MGAT5: variants seen among roughly 807,000 people sequenced by gnomAD.
The protein encoded by MGAT5 is alpha-1,6-mannosylglycoprotein 6-beta-N-acetylglucosaminyltransferase, also known as alpha-1,6-mannosylglycoprotein 6-beta-N-acetylglucosaminyltransferase A.
A neutral mutation model predicts 94.3 loss-of-function variants in MGAT5; 30 were observed. The ratio of observed to expected loss-of-function variants is 0.32; its 90% confidence interval spans 0.24 to 0.43. The LOEUF is 0.43. MGAT5 is among the 20% of genes least tolerant of loss of function. MGAT5 has a pLI of 1.00. For synonymous variants in MGAT5, 310 were observed against 322.9 expected (o/e 0.96, Z 0.43); for missense variants, 691 against 905.5 (o/e 0.76, Z 3.04).
At chr2:134,271,077 A>G (rs964949533) in intron 2 of MGAT5, among the ~76,000 whole-genome samples, 1 of 152,202 alleles carries the variant, frequency 6.6e-6, no homozygotes, top group Non-Finnish European at 1.5e-5. Flanking sequence ...CCACTCATGT[A>G]CACCACCATG....
rs538244275 is a variant in MGAT5, at chr2:134,443,346, C to T, written c.2027+1431C>T. Among the ~76,000 whole-genome samples, 6 of 152,254 alleles carry T rather than the reference C, an allele frequency of 3.9e-5. No individual in the cohort carries two copies. In the South Asian group the frequency reaches 1.2e-3, roughly 32 times the overall value. ...AGCTGGGACTATAACTGCACGCCACCATGCCCAGCTAACTTTTGTATTTTT... is the reference window on the plus strand; with the variant it reads ...AGCTGGGACTATAACTGCACGCCACTATGCCCAGCTAACTTTTGTATTTTT... On this transcript the variant is annotated intron_variant, in intron 15 of 15. Coordinates refer to ENST00000281923, the MANE Select transcript of MGAT5 (RefSeq NM_002410.5).
chr2:134,437,275 C>T (rs571707455), intron 14 of MGAT5, among the ~76,000 whole-genome samples: 5 of 152,320 alleles, frequency 3.3e-5, no homozygotes, highest in African/African-American at 1.2e-4. Flanking sequence ...CAGGCATGAG[C>T]CACCCTGCCT....
chr2:134,260,060 C>T (rs936279013), intron 1 of MGAT5, among the ~76,000 whole-genome samples: 15 of 147,694 alleles, frequency 1.0e-4, no homozygotes, highest in African/African-American at 2.6e-4. Flanking sequence ...GAAGGCACGG[C>T]GTATGCTAGG....
At chr2:134,155,283 C>T (rs1687423526) in intron 1 of MGAT5, among the ~76,000 whole-genome samples, 1 of 152,222 alleles carries the variant, frequency 6.6e-6, no homozygotes, top group Admixed American at 6.5e-5. Flanking sequence ...ATTCTCACTT[C>T]CCTGTCTGCA....
chr2:134,248,363 T>C (rs1381216639), intron 1 of MGAT5, among the ~76,000 whole-genome samples: 1 of 152,226 alleles, frequency 6.6e-6, no homozygotes, highest in African/African-American at 2.4e-5. Flanking sequence ...GAAACGGGAT[T>C]GTCCTATAGA....
At chr2:134,121,366 A>G (rs887201638) in intron 1 of MGAT5, among the ~76,000 whole-genome samples, 2 of 152,218 alleles carry the variant, frequency 1.3e-5, no homozygotes, top group Admixed American at 1.3e-4. Flanking sequence ...GTGTGAGCCC[A>G]GGGACGCTCG....
chr2:134,396,439 CTT>C (rs1049046010), intron 10 of MGAT5, among the ~76,000 whole-genome samples: 5 of 152,212 alleles, frequency 3.3e-5, no homozygotes, highest in East Asian at 3.9e-4. Context: ...TCTCTCCTCT[CTT>C]TTTCTTTTTT....
chr2:134,390,164 G>A (rs1558850251), intron 10 of MGAT5, among the ~76,000 whole-genome samples: 1 of 152,176 alleles, frequency 6.6e-6, no homozygotes, highest in South Asian at 2.1e-4. Flanking sequence ...GGTATTTATG[G>A]TATACAAATA....
intron 2 of MGAT5, among the ~76,000 whole-genome samples, chr2:134,312,971 A>G (rs1391641059): frequency 6.6e-6 from 1 of 150,990 alleles, no homozygotes; most frequent in African/African-American, 2.4e-5. Context: ...CCGCCGTACC[A>G]ACTTCTCCTG....
intron 1 of MGAT5, among the ~76,000 whole-genome samples, chr2:134,124,787 C>G (rs1685766468): frequency 6.6e-6 from 1 of 152,188 alleles, no homozygotes; most frequent in Non-Finnish European, 1.5e-5. Context: ...GTCAGCACTT[C>G]AAGGTTATCC....
At chr2:134,349,998 T>C in intron 9 of MGAT5, 60 bp downstream of exon 9, 2 of 1,588,172 alleles carry the variant, frequency 1.3e-6, no homozygotes, top group African/African-American at 1.3e-5. Context: ...ATGGGAAAAT[T>C]AGCCGCCATC....
At position 134,230,073 on chromosome 2, in the gene MGAT5, A is replaced by G. The variant is rs534612548; in HGVS notation, c.-142-24189A>G. On this transcript the variant is annotated intron_variant, in intron 1 of 16. Transcript: ENST00000409645. Reference sequence around the variant, plus strand: ...AGATTTACTAAAACAGCAGCCCCCAAACTTTTTGGCACCAGGGACTGGTTT... The same window carrying G: ...AGATTTACTAAAACAGCAGCCCCCAGACTTTTTGGCACCAGGGACTGGTTT... Among the ~76,000 whole-genome samples the G allele has an allele frequency of 7.0e-4, 107 of 152,282 alleles. 2 individuals carry two copies. Among genetic ancestry groups the G allele is most frequent in the Admixed American group, 6.3e-3 (97 of 15,286 alleles).
intron 1 of MGAT5, among the ~76,000 whole-genome samples, chr2:134,147,677 T>C (rs1686985045): frequency 6.6e-6 from 1 of 152,188 alleles, no homozygotes; most frequent in South Asian, 2.1e-4. Flanking sequence ...TTTGTTTTGT[T>C]GTCCTCTTTC....
chr2:134,385,093 T>C (rs1653297171), intron 10 of MGAT5, among the ~76,000 whole-genome samples: 1 of 152,188 alleles, frequency 6.6e-6, no homozygotes, highest in Non-Finnish European at 1.5e-5. Context: ...GCTGAGTAAA[T>C]GTATCTTATA....
At chr2:134,239,190 G>A (rs1681829239) in intron 1 of MGAT5, among the ~76,000 whole-genome samples, 1 of 152,180 alleles carries the variant, frequency 6.6e-6, no homozygotes, top group East Asian at 2.0e-4. Flanking sequence ...CGTAGAGGCA[G>A]GGGTTCACCG....
intron 2 of MGAT5, among the ~76,000 whole-genome samples, chr2:134,282,685 A>G (rs1023816388): frequency 1.3e-5 from 2 of 152,246 alleles, no homozygotes; most frequent in Non-Finnish European, 2.9e-5. Flanking sequence ...GTGAAGGCAG[A>G]TAGGAAACAA....
intron 1 of MGAT5, among the ~76,000 whole-genome samples, chr2:134,124,918 G>A (rs1685772297): frequency 6.6e-6 from 1 of 152,178 alleles, no homozygotes; most frequent in Admixed American, 6.5e-5. Flanking sequence ...TTGTAGTTCG[G>A]TGCACAGACT....
upstream of MGAT5, among the ~76,000 whole-genome samples, chr2:134,253,687 A>AG (rs1270807799): frequency 9.2e-5 from 14 of 152,114 alleles, no homozygotes; most frequent in Admixed American, 2.6e-4. Context: ...GCACCTAGAG[A>AG]GGTTGCCTGG....
At position 134,268,968 on chromosome 2, in the gene MGAT5, G is replaced by A. The variant is rs78335069; in HGVS notation, c.242-1418G>A. On this transcript the variant is annotated intron_variant, in intron 1 of 15. Coordinates refer to ENST00000281923, the MANE Select transcript of MGAT5 (RefSeq NM_002410.5). The surrounding 1 kb of genome is among the most constrained non-coding windows in gnomAD (Gnocchi z 4.1). ...CTGATTGGTCCCATTGAGATGTCAG[G>A]GAATTAAGCAGTCCTGAGGCAAGCC... Among the ~76,000 whole-genome samples, 1,001 of 152,234 alleles carry A rather than the reference G, an allele frequency of 6.6e-3. 12 individuals carry two copies. The highest frequency in any genetic ancestry group is 0.023 in the African/African-American group (942 of 41,532).
Sources: allele counts gnomAD v4.1 joint callset (sites outside exome capture counted in the v4.1 genomes callset), GRCh38; gene constraint gnomAD v4.1.1; non-coding constraint Gnocchi (gnomAD v3.1); transcripts MANE v1.5; gene names NCBI Gene and HGNC (gene_info 2026-07-23, HGNC 2026-07-21).